The following USP32 variants were observed in gnomAD, a reference collection of about 807,000 sequenced individuals.
USP32 encodes the protein ubiquitin specific peptidase 32.
Under a neutral mutation model 204.8 loss-of-function variants are expected in USP32, and 59 were observed. That is an observed-to-expected ratio of 0.29 (90% CI 0.23 to 0.36). USP32 has a LOEUF of 0.36. USP32 is among the 10% of genes least tolerant of loss of function. The pLI, the probability that USP32 is intolerant of heterozygous loss-of-function variation, is 1.00. For synonymous variants in USP32, 517 were observed against 678.4 expected, an observed-to-expected ratio of 0.76 and a Z score of 3.70; for missense variants, 1,160 against 1,946.4, an observed-to-expected ratio of 0.60 and a Z score of 7.60.
intron 1 of USP32, among the ~76,000 whole-genome samples, chr17:60,354,795 C>T (rs2146035337): frequency 6.6e-6 from 1 of 152,288 alleles, no homozygotes; most frequent in East Asian, 1.9e-4. Flanking sequence ...CCTGTAATCC[C>T]AGCACTTTGG....
Position 60,366,908 on chromosome 17 carries a change from C to T in USP32, c.59-21300G>A, listed in dbSNP as rs1027537514. Among the ~76,000 whole-genome samples the T allele has an allele frequency of 3.3e-5, 5 of 152,106 alleles. 1 individual carries two copies. The South Asian group carries it at 1.0e-3, about 32-fold the overall frequency. Reference sequence around the variant, plus strand: ...TGCGATCTCGGCTCACTGCAAGCTCCGCCTCCCAGGTTCACGCCATTCTCC... The same window carrying T: ...TGCGATCTCGGCTCACTGCAAGCTCTGCCTCCCAGGTTCACGCCATTCTCC... On this transcript the variant is annotated intron_variant, in intron 1 of 33. Coordinates refer to ENST00000300896, the MANE Select transcript of USP32 (RefSeq NM_032582.4).
chr17:60,322,131 C>G (rs956203363), intron 2 of USP32, among the ~76,000 whole-genome samples: 112 of 151,966 alleles, frequency 7.4e-4, no homozygotes, highest in Admixed American at 1.2e-3. Flanking sequence ...ACTCAACATG[C>G]TGGTTCTTTA....
intron 5 of USP32, among the ~76,000 whole-genome samples, chr17:60,282,253 A>C (rs554524935): frequency 6.6e-6 from 1 of 152,376 alleles, no homozygotes; most frequent in East Asian, 1.9e-4. Context: ...GATATCATTT[A>C]GCTAACCAAA....
chr17:60,393,396 C>T (rs993537111), upstream of USP32, among the ~76,000 whole-genome samples: 3 of 152,144 alleles, frequency 2.0e-5, no homozygotes, highest in Non-Finnish European at 4.4e-5. Context: ...AAAAGGTGAA[C>T]ACAACCTATA....
chr17:60,224,973 T>C (rs925399264), intron 13 of USP32, among the ~76,000 whole-genome samples: 2 of 152,224 alleles, frequency 1.3e-5, no homozygotes, highest in African/African-American at 4.8e-5. Flanking sequence ...GAATTCTTTC[T>C]CAGTATTTTA....
At chr17:60,382,119 A>C (rs2089656131) in intron 1 of USP32, among the ~76,000 whole-genome samples, 1 of 152,230 alleles carries the variant, frequency 6.6e-6, no homozygotes, top group South Asian at 2.1e-4. Flanking sequence ...TGGCATAGTG[A>C]GATAAGCTCA....
At chr17:60,276,392 T>C (rs1350813893) in intron 5 of USP32, among the ~76,000 whole-genome samples, 1 of 152,114 alleles carries the variant, frequency 6.6e-6, no homozygotes, top group East Asian at 1.9e-4. Context: ...TAAATTGAGA[T>C]TCCTAAATAA....
rs760404570 is a variant in USP32, at chr17:60,265,429, C to T, written c.973G>A (p.Ala325Thr). 3.7e-6 allele frequency: 6 copies of T among 1,606,010 alleles called. No homozygotes were observed. The South Asian group carries it at 6.6e-5, about 18-fold the overall frequency. Reference protein sequence around the residue: ...LSDIVEGILNAHDTTKMGHLT... With the variant: ...LSDIVEGILNTHDTTKMGHLT... ...AGACTCACCTTTGTGGTGTCATGTG[C>T]ATTCAGTATGCCTTCTACAATATCA... The change falls in exon 9 of 34, where the codon GCA becomes ACA. Residue 325 changes from alanine to threonine, a missense_variant. By Grantham distance (58) the Ala-to-Thr change is moderately conservative. Transcript: ENST00000300896.
At chr17:60,219,574 T>TC in intron 16 of USP32, 96 bp downstream of exon 16, 2 of 1,257,924 alleles carry the variant, frequency 1.6e-6, no homozygotes, top group Non-Finnish European at 1.0e-6. Context: ...TTTTTTTTTT[T>TC]TTTTTTTTTT....
chr17:60,397,471 C>A (rs1003000665), intron 1 of USP32, among the ~76,000 whole-genome samples: 1 of 152,168 alleles, frequency 6.6e-6, no homozygotes, highest in African/African-American at 2.4e-5. Flanking sequence ...AAGAAATACT[C>A]CTGCCTGAGC....
chr17:60,404,049 A>G (rs1411912350), intron 1 of USP32, among the ~76,000 whole-genome samples: 5 of 152,096 alleles, frequency 3.3e-5, no homozygotes, highest in African/African-American at 1.2e-4. Context: ...CAAAAAAAAA[A>G]AAAAAGGAAA....
rs1480314066 is a variant in USP32 at position 60,185,717 on chromosome 17, T to C, written c.3643-66A>G. The C allele has an allele frequency of 3.9e-6, 6 of 1,531,350 alleles. No homozygotes were observed. The Admixed American group carries it at 7.5e-5, about 19-fold the overall frequency. The allele number at this position is 1,531,350 out of a possible 1,614,324, so 94.9% of individuals were successfully genotyped here. A position where few individuals can be genotyped will look rare whatever the true frequency, so the allele number is the denominator to read the frequency against. On this transcript the variant is annotated intron_variant, in intron 29 of 33. Coordinates refer to ENST00000300896, the MANE Select transcript of USP32 (RefSeq NM_032582.4). The stretch of plus-strand genomic sequence containing the variant: ...GGCATTTAAAGTGGTGATCTAGGTA[T>C]GCATCAACCTCTTGGTCACTCACCC...
At chr17:60,413,633 A>C (rs2090035593) in intron 1 of USP32, among the ~76,000 whole-genome samples, 1 of 151,644 alleles carries the variant, frequency 6.6e-6, no homozygotes, top group East Asian at 1.9e-4. Flanking sequence ...TGGGAGGCCA[A>C]GGTGAGCAGA....
At chr17:60,409,456 A>G (rs1261270560) in intron 1 of USP32, among the ~76,000 whole-genome samples, 1 of 152,208 alleles carries the variant, frequency 6.6e-6, no homozygotes, top group Admixed American at 6.5e-5. Context: ...AAAATTCAAC[A>G]TGGCAGCTGG....
At chr17:60,290,608 T>C (rs1389756822) in intron 4 of USP32, among the ~76,000 whole-genome samples, 1 of 152,224 alleles carries the variant, frequency 6.6e-6, no homozygotes, top group African/African-American at 2.4e-5. Context: ...TTGTTAAATA[T>C]ATATTTGGTC....
chr17:60,307,522 T>C (rs1375369988), intron 2 of USP32, among the ~76,000 whole-genome samples: 2 of 152,172 alleles, frequency 1.3e-5, no homozygotes, highest in Non-Finnish European at 2.9e-5. Flanking sequence ...AAAACATACA[T>C]GGAACCTCAA....
chr17:60,345,213 C>CA (rs2088757295), intron 2 of USP32, among the ~76,000 whole-genome samples: 1 of 151,926 alleles, frequency 6.6e-6, no homozygotes, highest in Non-Finnish European at 1.5e-5. Flanking sequence ...AATAAGAAGC[C>CA]AATCATGGAA....
intron 1 of USP32, among the ~76,000 whole-genome samples, chr17:60,377,106 C>A (rs745389056): frequency 6.6e-6 from 1 of 152,110 alleles, no homozygotes; most frequent in Non-Finnish European, 1.5e-5. Flanking sequence ...ACTACTCTCT[C>A]TATATATATG....
At chr17:60,294,547 GA>G (rs2087376169) in intron 4 of USP32, 135 bp downstream of exon 4, 2 of 532,326 alleles carry the variant, frequency 3.8e-6, no homozygotes, top group Non-Finnish European at 6.5e-6. Flanking sequence ...CACATAAATG[GA>G]AACATCAATA....
Sources: gnomAD v4.1 joint callset for allele counts (sites outside exome capture counted in the v4.1 genomes callset) on GRCh38, gnomAD v4.1.1 for gene constraint, MANE v1.5 for transcripts, NCBI Gene and HGNC (gene_info 2026-07-23, HGNC 2026-07-21) for gene names.